Variants in WDTC1 observed in about 807,000 individuals in gnomAD.
The protein encoded by WDTC1 is WD and tetratricopeptide repeats 1, also known as WD and tetratricopeptide repeats protein 1.
A neutral mutation model predicts 76.0 loss-of-function variants in WDTC1; 12 were observed. The ratio of observed to expected loss-of-function variants is 0.16; its 90% CI spans 0.10 to 0.26. The LOEUF (loss-of-function observed/expected upper bound fraction) is 0.26, where lower values mean the gene tolerates loss of function less well. Among genes scored for constraint, WDTC1 ranks in the 10% least tolerant of loss-of-function variants. The pLI is 1.00. For missense variants in WDTC1, 511 were observed against 908.8 expected (o/e 0.56, Z 5.63); for synonymous variants, 326 against 350.8 (o/e 0.93, Z 0.79).
chr1:27,296,221 T>C (rs1461358216), intron 9 of WDTC1, 105 bp from the exon 10 acceptor site: 3 of 1,310,964 alleles, frequency 2.3e-6, no homozygotes, highest in Non-Finnish European at 2.2e-6. Flanking sequence ...CAACACTCAC[T>C]GTGTTCCAAG....
chr1:27,244,913 C>A (rs1166982964), intron 1 of WDTC1, among the ~76,000 whole-genome samples: 2 of 152,140 alleles, frequency 1.3e-5, no homozygotes, highest in Non-Finnish European at 2.9e-5. Context: ...CTGCTGCTAA[C>A]CAGTAGTGTC....
intron 3 of WDTC1, among the ~76,000 whole-genome samples, chr1:27,271,128 C>T (rs970857137): frequency 6.6e-6 from 1 of 152,146 alleles, no homozygotes; most frequent in Non-Finnish European, 1.5e-5. Flanking sequence ...TGAAATTGGT[C>T]ACTCCAGCGG....
rs2013387470 is a variant in WDTC1 at position 27,287,864 on chromosome 1, AAG to A, written c.479+6_479+7del. 6.2e-7 allele frequency: 1 copy of A among 1,611,794 alleles called. No individual in the cohort carries two copies. Among genetic ancestry groups the A allele is most frequent in the Admixed American group, 1.7e-5 (1 of 59,756 alleles). On this transcript the variant is annotated splice_donor_5th_base_variant and intron_variant, in intron 6 of 15. Transcript: ENST00000319394. The stretch of plus-strand genomic sequence containing the variant: ...GCTGCTGAGGATGGGCTTATCCGGT[AAG>A]AGTCTGGGGCATCTAGTGGAGCCTG...
chr1:27,288,575 G>C (rs2147970948), intron 6 of WDTC1, among the ~76,000 whole-genome samples: 1 of 151,764 alleles, frequency 6.6e-6, no homozygotes, highest in East Asian at 1.9e-4. Context: ...CTGCCTTCAA[G>C]CATCTGTTTA....
chr1:27,265,429 T>G (rs2012630246), intron 3 of WDTC1, among the ~76,000 whole-genome samples: 1 of 152,190 alleles, frequency 6.6e-6, no homozygotes, highest in Middle Eastern at 3.2e-3. Context: ...TTGTTGTTTT[T>G]TAGTGAATTA....
intron 3 of WDTC1, among the ~76,000 whole-genome samples, chr1:27,269,621 G>GTTTGTTTTTTTTTTTTTT (rs2012798173): frequency 7.9e-6 from 1 of 126,872 alleles, no homozygotes. Context: ...TTTTTTTTCG[G>GTTTGTTTTTTTTTTTTTT]TTTTTTTTTT....
At chr1:27,282,967 G>A (rs1428184826) in intron 4 of WDTC1, among the ~76,000 whole-genome samples, 1 of 151,524 alleles carries the variant, frequency 6.6e-6, no homozygotes, top group African/African-American at 2.4e-5. Flanking sequence ...GTGAAACCCC[G>A]TCTCTACAAA....
At chr1:27,278,955 TGA>T in intron 3 of WDTC1, among the ~76,000 whole-genome samples, 1 of 152,104 alleles carries the variant, frequency 6.6e-6, no homozygotes, top group Admixed American at 6.5e-5. Flanking sequence ...CCCAGCTACT[TGA>T]GAGACTGAGG....
intron 2 of WDTC1, among the ~76,000 whole-genome samples, chr1:27,262,789 G>C (rs1268251015): frequency 6.6e-6 from 1 of 152,072 alleles, no homozygotes; most frequent in Non-Finnish European, 1.5e-5. Flanking sequence ...TAGAGGCATG[G>C]AATCAGCAGG....
chr1:27,292,229 G>A lies in WDTC1; in HGVS notation c.494G>A (p.Arg165Gln), dbSNP rs757186775. ...CTCTCTCACAGCCAGTATGACCTTC[G>A]AGAGAACAGCAAACACTCGGAGGTG... The part of the protein sequence containing the change: ...EDGLIRQYDL[R>Q]ENSKHSEVLI... Residue 165 changes from arginine to glutamine, a missense_variant, in exon 7 of 16, where the codon CGA becomes CAA. Arg to Gln is a conservative substitution (Grantham distance 43). Coordinates refer to ENST00000319394, the MANE Select transcript of WDTC1 (RefSeq NM_001276252.2). 3 of 1,593,778 alleles carry A rather than the reference G, an allele frequency of 1.9e-6. No individual in the cohort carries two copies. Among genetic ancestry groups the A allele is most frequent in the South Asian group, 2.3e-5 (2 of 88,372 alleles).
At chr1:27,235,592 T>C (rs931493016) in intron 1 of WDTC1, among the ~76,000 whole-genome samples, 3 of 151,826 alleles carry the variant, frequency 2.0e-5, no homozygotes, top group Non-Finnish European at 4.4e-5. Flanking sequence ...AGTGAGGAGA[T>C]AGAAGAGAGA....
At chr1:27,281,439 C>CAAA (rs891009695) in intron 3 of WDTC1, among the ~76,000 whole-genome samples, 4 of 61,260 alleles carry the variant, frequency 6.5e-5, no homozygotes, top group Non-Finnish European at 6.6e-5. Context: ...GACTCTGTCT[C>CAAA]AAAAAAAAAA....
rs1376062504 is a variant in WDTC1 at position 27,283,347 on chromosome 1, C to G, written c.189C>G (p.Ala63=). 6.2e-6 allele frequency: 10 copies of G among 1,613,622 alleles called. No individual in the cohort carries two copies. Among genetic ancestry groups the G allele is most frequent in the South Asian group, 3.3e-5 (3 of 91,082 alleles). Residue 63 remains alanine (A), a synonymous_variant, in exon 5 of 16, where the codon GCC becomes GCG. Coordinates refer to ENST00000319394, the MANE Select transcript of WDTC1 (RefSeq NM_001276252.2). ...CTCACTCTGCTTTCAGCTTGCTGGC[C>G]TCTGGTTCCGATGACCAGCACACGA... ...LEWNEKGDLL[A]SGSDDQHTIV...
intron 4 of WDTC1, among the ~76,000 whole-genome samples, 181 bp from the exon 5 acceptor site, chr1:27,283,157 A>G (rs2013238992): frequency 6.6e-6 from 1 of 151,936 alleles, no homozygotes. Context: ...AAAAAAGAAT[A>G]ATGGAAATTT....
chr1:27,245,580 G>A (rs1197337372), intron 1 of WDTC1, among the ~76,000 whole-genome samples: 1 of 148,720 alleles, frequency 6.7e-6, no homozygotes, highest in Non-Finnish European at 1.5e-5. Flanking sequence ...TTGTTTGTTT[G>A]TATTTTTGAG....
Position 27,301,942 on chromosome 1 carries a change from C to T in WDTC1, c.1468+481C>T, listed in dbSNP as rs965668645. ...GGGGCCTCGGTTCCAAATGCAGCTC[C>T]ACCACCTGACTGTGTGGCCTTGAAG... On this transcript the variant is annotated intron_variant, in intron 13 of 15. Coordinates refer to ENST00000319394, the MANE Select transcript of WDTC1 (RefSeq NM_001276252.2). The surrounding 1 kb of genome is among the most constrained non-coding windows in gnomAD (Gnocchi z 5.8). Among the ~76,000 whole-genome samples, 2 of 152,182 alleles carry T rather than the reference C, an allele frequency of 1.3e-5. No homozygotes were observed. The highest frequency in any genetic ancestry group is 2.9e-5 in the Non-Finnish European group (2 of 68,032).
chr1:27,241,665 C>T (rs2011633499), intron 1 of WDTC1, among the ~76,000 whole-genome samples: 1 of 152,092 alleles, frequency 6.6e-6, no homozygotes, highest in Admixed American at 6.6e-5. Context: ...CAGGATTTGT[C>T]AGGATGCAAG....
chr1:27,260,753 G>A (rs1314698198), intron 1 of WDTC1, among the ~76,000 whole-genome samples: 6 of 152,186 alleles, frequency 3.9e-5, no homozygotes, highest in Non-Finnish European at 5.9e-5. Context: ...TTGTTCCAAT[G>A]CTTGTTGGGA....
intron 1 of WDTC1, among the ~76,000 whole-genome samples, chr1:27,242,410 A>C (rs1028184755): frequency 1.3e-5 from 2 of 152,182 alleles, no homozygotes; most frequent in Non-Finnish European, 1.5e-5. Flanking sequence ...TCAAAGTTGC[A>C]GTAAACTGTG....
Sources: allele counts gnomAD v4.1 joint callset (sites outside exome capture counted in the v4.1 genomes callset), GRCh38; gene constraint gnomAD v4.1.1; non-coding constraint Gnocchi (gnomAD v3.1); transcripts MANE v1.5; gene names NCBI Gene and HGNC (gene_info 2026-07-23, HGNC 2026-07-21).